The following RERE variants were observed in gnomAD, a reference collection of about 807,000 sequenced individuals.
The protein encoded by RERE is arginine-glutamic acid dipeptide repeats protein.
Under a neutral mutation model 146.1 loss-of-function variants are expected in RERE, and 40 were observed. That is an observed-to-expected ratio of 0.27 (90% CI 0.21 to 0.36). The LOEUF (loss-of-function observed/expected upper bound fraction) is 0.36, where lower values mean the gene tolerates loss of function less well. Ranked by LOEUF, RERE falls within the 10% of genes least tolerant of loss-of-function variation. RERE has a pLI of 1.00. For missense variants in RERE, 1,933 were observed against 2,138.7 expected, an observed-to-expected ratio of 0.90 and a Z score of 1.90; for synonymous variants, 1,003 against 866.0, an observed-to-expected ratio of 1.16 and a Z score of -2.78.
chr1:8,614,792 G>T, intron 3 of RERE, 106 bp from the exon 4 acceptor site: 1 of 1,261,372 alleles, frequency 7.9e-7, no homozygotes, highest in Non-Finnish European at 1.1e-6. Context: ...CTCTTTAGCA[G>T]ATGACCTCTG....
intron 1 of RERE, among the ~76,000 whole-genome samples, chr1:8,683,957 A>G (rs2124402647): frequency 6.6e-6 from 1 of 152,290 alleles, no homozygotes; most frequent in Admixed American, 6.5e-5. Flanking sequence ...CAATCAATCA[A>G]TCAATCAAGC....
intron 12 of RERE, among the ~76,000 whole-genome samples, chr1:8,404,098 G>C (rs1232814622): frequency 1.3e-5 from 2 of 151,802 alleles, no homozygotes; most frequent in Non-Finnish European, 2.9e-5. Flanking sequence ...CAGTGTGCTG[G>C]GATTATAGGC....
intron 12 of RERE, among the ~76,000 whole-genome samples, chr1:8,398,751 C>T (rs1461138469): frequency 2.2e-4 from 34 of 152,146 alleles, no homozygotes; most frequent in Non-Finnish European, 2.9e-5. Flanking sequence ...GTATGCAATC[C>T]ACTACACCCA....
chr1:8,639,808 T>C (rs1647152887), intron 2 of RERE, among the ~76,000 whole-genome samples: 1 of 152,168 alleles, frequency 6.6e-6, no homozygotes, highest in Admixed American at 6.6e-5. Context: ...ATTACTAACA[T>C]TGCCACAATC....
intron 12 of RERE, among the ~76,000 whole-genome samples, chr1:8,405,826 AGAGTTTCACCATGTTGGCC>A (rs1157440193): frequency 6.6e-6 from 1 of 151,936 alleles, no homozygotes; most frequent in East Asian, 1.9e-4. Context: ...TTTAGTAGAG[AGAGTTTCACCATGTTGGCC>A]AGGATGGTCT....
intron 12 of RERE, among the ~76,000 whole-genome samples, chr1:8,399,279 T>C (rs1643166453): frequency 6.6e-6 from 1 of 152,182 alleles, no homozygotes; most frequent in African/African-American, 2.4e-5. Context: ...TACTATTTCT[T>C]ATAAACCCTT....
At chr1:8,411,730 A>G (rs751815957) in intron 12 of RERE, among the ~76,000 whole-genome samples, 1 of 152,186 alleles carries the variant, frequency 6.6e-6, no homozygotes, top group Non-Finnish European at 1.5e-5. Flanking sequence ...AGTAAATTAC[A>G]TATACTAAAA....
chr1:8,446,993 C>T (rs923622248), intron 11 of RERE, among the ~76,000 whole-genome samples: 1 of 151,702 alleles, frequency 6.6e-6, no homozygotes, highest in Admixed American at 6.6e-5. Context: ...CATTTCTTTT[C>T]GTTCTTTTTT....
chr1:8,413,941 G>C (rs898401262), intron 12 of RERE, among the ~76,000 whole-genome samples: 1 of 151,246 alleles, frequency 6.6e-6, no homozygotes, highest in Non-Finnish European at 1.5e-5. Context: ...TATAATCCCA[G>C]CCATTCGGGA....
intron 1 of RERE, among the ~76,000 whole-genome samples, chr1:8,702,355 G>A (rs1305304654): frequency 1.3e-5 from 2 of 152,228 alleles, no homozygotes; most frequent in Non-Finnish European, 2.9e-5. Flanking sequence ...ACCTATTACA[G>A]GAGTTTCCTT....
At chr1:8,693,418 G>C (rs1388565393) in intron 1 of RERE, among the ~76,000 whole-genome samples, 1 of 152,184 alleles carries the variant, frequency 6.6e-6, no homozygotes, top group Non-Finnish European at 1.5e-5. Context: ...GTGATAAAAA[G>C]TAGTGAGCTA....
At position 8,530,929 on chromosome 1, in the gene RERE, G is replaced by A. The variant is rs562725090; in HGVS notation, c.830+10285C>T. Among the ~76,000 whole-genome samples the A allele has an allele frequency of 1.9e-4, 29 of 150,910 alleles. No individual in the cohort carries two copies. The South Asian group carries it at 5.7e-3, about 30-fold the overall frequency. ...GATGGTCCCGATCTCCTGACCTCAT[G>A]ATCCACCCGCCTCGGCCTCCCAAAG... On this transcript the variant is annotated intron_variant, in intron 7 of 22. Coordinates refer to ENST00000400908, the MANE Select transcript of RERE (RefSeq NM_001042681.2).
chr1:8,394,526 C>T (rs963639428), intron 12 of RERE, among the ~76,000 whole-genome samples: 1 of 152,070 alleles, frequency 6.6e-6, no homozygotes, highest in Non-Finnish European at 1.5e-5. Context: ...CCAAGGACAG[C>T]GGGAGTGGAA....
At chr1:8,708,366 A>AT (rs1639598058) in intron 1 of RERE, among the ~76,000 whole-genome samples, 1 of 152,084 alleles carries the variant, frequency 6.6e-6, no homozygotes, top group Admixed American at 6.6e-5. Flanking sequence ...GCTGGAGTGC[A>AT]GTGGCATGAT....
intron 10 of RERE, among the ~76,000 whole-genome samples, chr1:8,482,300 T>C (rs754507942): frequency 6.6e-6 from 1 of 151,790 alleles, no homozygotes; most frequent in Non-Finnish European, 1.5e-5. Context: ...AAGAAGAAAG[T>C]GGGGTATAAA....
chr1:8,752,591 G>A (rs907617995), intron 1 of RERE, among the ~76,000 whole-genome samples: 4 of 152,144 alleles, frequency 2.6e-5, no homozygotes, highest in African/African-American at 9.7e-5. Flanking sequence ...CAAACTGAGA[G>A]ATAACGTAAC....
At chr1:8,377,098 G>T (rs1642281931) in intron 12 of RERE, among the ~76,000 whole-genome samples, 1 of 152,124 alleles carries the variant, frequency 6.6e-6, no homozygotes, top group South Asian at 2.1e-4. Flanking sequence ...ATAAATAACA[G>T]ATTTGGAAAC....
intron 1 of RERE, among the ~76,000 whole-genome samples, chr1:8,803,946 A>C (rs1225578062): frequency 6.6e-6 from 1 of 152,184 alleles, no homozygotes; most frequent in African/African-American, 2.4e-5. Flanking sequence ...AAGGTGCTAA[A>C]CCATTCCAAC....
chr1:8,731,836 G>A (rs1252554943), intron 1 of RERE, among the ~76,000 whole-genome samples: 2 of 151,982 alleles, frequency 1.3e-5, no homozygotes, highest in East Asian at 1.9e-4. Context: ...AGAGTCTTGC[G>A]CTGTCACCCA....
Sources: gnomAD v4.1 joint callset for allele counts (sites outside exome capture counted in the v4.1 genomes callset) on GRCh38, gnomAD v4.1.1 for gene constraint, MANE v1.5 for transcripts, NCBI Gene and HGNC (gene_info 2026-07-23, HGNC 2026-07-21) for gene names.